MARCHF1: variants seen among roughly 807,000 people sequenced by gnomAD.
The protein encoded by MARCHF1 is E3 ubiquitin-protein ligase MARCHF1.
A neutral mutation model predicts 54.2 loss-of-function variants in MARCHF1; 40 were observed. The observed-to-expected ratio is 0.74, with a 90% CI of 0.57 to 0.96. MARCHF1 has a LOEUF of 0.96. Ranked by LOEUF, MARCHF1 falls within the 40% of genes least tolerant of loss-of-function variation. MARCHF1 has a pLI of 0.00. For missense variants in MARCHF1, 586 were observed against 656.5 expected (o/e 0.89, Z 1.17); for synonymous variants, 236 against 236.3 (o/e 1.00, Z 0.01).
At chr4:163,733,197 A>ATATATATATATATATATACACACGTG (rs1745906620) in intron 4 of MARCHF1, among the ~76,000 whole-genome samples, 2 of 32,318 alleles carry the variant, frequency 6.2e-5, no homozygotes, top group African/African-American at 9.2e-5. Context: ...ATATATATAT[A>ATATATATATATATATATACACACGTG]TATATATATA....
At chr4:163,712,662 G>A (rs1745141852) in intron 4 of MARCHF1, among the ~76,000 whole-genome samples, 1 of 152,126 alleles carries the variant, frequency 6.6e-6, no homozygotes, top group South Asian at 2.1e-4. Flanking sequence ...ATCTTTGGAT[G>A]TATACATTCT....
intron 3 of MARCHF1, among the ~76,000 whole-genome samples, chr4:163,943,769 A>G (rs1365158467): frequency 8.7e-6 from 1 of 115,332 alleles, no homozygotes; most frequent in Non-Finnish European, 1.9e-5. Context: ...AAAAAAAAAA[A>G]AGACCACACC....
At chr4:164,276,785 ATTGT>A (rs1434395097) in intron 1 of MARCHF1, among the ~76,000 whole-genome samples, 1 of 149,774 alleles carries the variant, frequency 6.7e-6, no homozygotes, top group Non-Finnish European at 1.5e-5. Context: ...TAATTGCTAT[ATTGT>A]TTATTTCTGA....
At chr4:164,318,512 CAAA>C (rs999314736) in intron 1 of MARCHF1, among the ~76,000 whole-genome samples, 1 of 151,944 alleles carries the variant, frequency 6.6e-6, no homozygotes, top group African/African-American at 2.4e-5. Context: ...AAGCATCCTA[CAAA>C]GAGAGAGAAA....
chr4:163,556,915 T>C (rs904158856), intron 8 of MARCHF1, among the ~76,000 whole-genome samples: 3 of 152,050 alleles, frequency 2.0e-5, no homozygotes, highest in Non-Finnish European at 2.9e-5. Flanking sequence ...GAAGATTCTT[T>C]TGGGGTATAG....
intron 1 of MARCHF1, among the ~76,000 whole-genome samples, chr4:164,319,589 T>C (rs1011160890): frequency 2.0e-5 from 3 of 152,206 alleles, no homozygotes; most frequent in African/African-American, 7.2e-5. Flanking sequence ...TTATCATTGA[T>C]AAGGAAAGAA....
chr4:164,116,156 C>A (rs1261197579), intron 1 of MARCHF1, among the ~76,000 whole-genome samples: 1 of 152,050 alleles, frequency 6.6e-6, no homozygotes, highest in Non-Finnish European at 1.5e-5. Flanking sequence ...GCCTTCATAT[C>A]ACTAAAATCT....
intron 1 of MARCHF1, among the ~76,000 whole-genome samples, chr4:164,213,074 T>C (rs1263410235): frequency 6.6e-6 from 1 of 151,542 alleles, no homozygotes; most frequent in Non-Finnish European, 1.5e-5. Flanking sequence ...ATATATATTA[T>C]ATATGTGTGT....
chr4:164,256,975 A>G (rs954222357), intron 1 of MARCHF1, among the ~76,000 whole-genome samples: 8 of 152,210 alleles, frequency 5.3e-5, no homozygotes, highest in African/African-American at 1.9e-4. Flanking sequence ...AACAAATTAT[A>G]GTAGTATAAT....
chr4:163,775,080 C>T (rs931309974), intron 4 of MARCHF1, among the ~76,000 whole-genome samples: 1 of 152,308 alleles, frequency 6.6e-6, no homozygotes, highest in East Asian at 1.9e-4. Flanking sequence ...TCAGCTAACT[C>T]TCACTTCAGC....
At chr4:163,717,205 T>C (rs1745291274) in intron 4 of MARCHF1, among the ~76,000 whole-genome samples, 1 of 144,046 alleles carries the variant, frequency 6.9e-6, no homozygotes, top group Admixed American at 7.2e-5. Flanking sequence ...GTCCATGTGT[T>C]CTCATTGTTC....
intron 3 of MARCHF1, among the ~76,000 whole-genome samples, chr4:163,936,133 C>T (rs4129627): frequency 0.12 from 18,793 of 152,022 alleles, 2,546 homozygotes; most frequent in East Asian, 0.37. Flanking sequence ...GCAGTCAGAA[C>T]GCACACAACA....
intron 3 of MARCHF1, among the ~76,000 whole-genome samples, chr4:163,960,901 C>T (rs1024042609): frequency 1.3e-5 from 2 of 151,476 alleles, no homozygotes; most frequent in African/African-American, 4.8e-5. Context: ...AATCAAGGTG[C>T]TGTCAGGGCT....
chr4:164,145,929 T>A (rs1413616293), intron 1 of MARCHF1, among the ~76,000 whole-genome samples: 3 of 97,530 alleles, frequency 3.1e-5, no homozygotes, highest in Non-Finnish European at 6.2e-5. Flanking sequence ...AACCCCATTG[T>A]CTCAGCCCAA....
chr4:164,184,887 A>G (rs1007095545), intron 1 of MARCHF1, among the ~76,000 whole-genome samples: 1 of 152,226 alleles, frequency 6.6e-6, no homozygotes, highest in African/African-American at 2.4e-5. Flanking sequence ...CAGCAAAATA[A>G]AAAGAGCTCT....
At chr4:163,758,787 C>T (rs1047082399) in intron 4 of MARCHF1, among the ~76,000 whole-genome samples, 1 of 152,182 alleles carries the variant, frequency 6.6e-6, no homozygotes, top group African/African-American at 2.4e-5. Context: ...CTTGTATTTT[C>T]TCACAGCCTA....
chr4:163,677,155 C>T (rs1743945754), intron 5 of MARCHF1, among the ~76,000 whole-genome samples: 1 of 152,168 alleles, frequency 6.6e-6, no homozygotes, highest in African/African-American at 2.4e-5. Context: ...ACACTCCTGT[C>T]AGAAACTGTG....
chr4:163,824,473 T>C (rs1241575417), intron 4 of MARCHF1, among the ~76,000 whole-genome samples: 1 of 142,746 alleles, frequency 7.0e-6, no homozygotes, highest in African/African-American at 2.6e-5. Flanking sequence ...TCCTTACACC[T>C]TATACAAAAA....
chr4:163,928,046 A>C (rs1326185620), intron 3 of MARCHF1, among the ~76,000 whole-genome samples: 1 of 151,762 alleles, frequency 6.6e-6, no homozygotes, highest in Non-Finnish European at 1.5e-5. Flanking sequence ...AATGGGGTAT[A>C]TATATAGTTT....
Sources: allele counts gnomAD v4.1 joint callset (sites outside exome capture counted in the v4.1 genomes callset), GRCh38; gene constraint gnomAD v4.1.1; transcripts MANE v1.5; gene names NCBI Gene and HGNC (gene_info 2026-07-23, HGNC 2026-07-21).